PIK3C2G: variants seen among roughly 807,000 people sequenced by gnomAD.
The protein encoded by PIK3C2G is phosphatidylinositol-4-phosphate 3-kinase catalytic subunit type 2 gamma, also known as phosphatidylinositol 3-kinase C2 domain-containing subunit gamma.
PIK3C2G carries 168 observed loss-of-function variants against 181.1 expected under a neutral mutation model. The observed-to-expected ratio is 0.93, with a 90% CI of 0.82 to 1.05. The LOEUF (loss-of-function observed/expected upper bound fraction) is 1.05. PIK3C2G is among the 50% of genes least tolerant of loss of function. PIK3C2G has a pLI of 0.00. For missense variants in PIK3C2G, 1,869 were observed against 1,732.8 expected (o/e 1.08, Z -1.40); for synonymous variants, 573 against 592.2 (o/e 0.97, Z 0.47).
At chr12:18,543,053 T>C (rs1456277909) in intron 25 of PIK3C2G, among the ~76,000 whole-genome samples, 1 of 151,976 alleles carries the variant, frequency 6.6e-6, no homozygotes, top group East Asian at 1.9e-4. Context: ...CCAGCATCTG[T>C]TATTTTCTGA....
intron 29 of PIK3C2G, among the ~76,000 whole-genome samples, chr12:18,591,721 A>G (rs1259736051): frequency 1.3e-5 from 2 of 152,048 alleles, no homozygotes; most frequent in African/African-American, 4.8e-5. Flanking sequence ...CAGAATCACT[A>G]CAGGTTTTAA....
chr12:18,602,759 C>T (rs531719793), intron 30 of PIK3C2G, among the ~76,000 whole-genome samples: 9 of 152,094 alleles, frequency 5.9e-5, no homozygotes, highest in South Asian at 2.1e-4. Context: ...GGTGAATGAA[C>T]CCGGAAGAGA....
At chr12:18,365,647 C>A (rs1286170140) in intron 12 of PIK3C2G, among the ~76,000 whole-genome samples, 3 of 152,154 alleles carry the variant, frequency 2.0e-5, no homozygotes, top group African/African-American at 7.2e-5. Context: ...GATCTTAGCC[C>A]TTAACCCTCT....
chr12:18,538,014 C>A, intron 24 of PIK3C2G, 142 bp from the exon 25 acceptor site: 1 of 674,402 alleles, frequency 1.5e-6, no homozygotes, highest in Non-Finnish European at 2.5e-6. Flanking sequence ...TCTCAAGCTG[C>A]CTCACAATGA....
chr12:18,635,594 C>A (rs973157176), intron 31 of PIK3C2G, among the ~76,000 whole-genome samples: 16 of 152,182 alleles, frequency 1.1e-4, no homozygotes, highest in African/African-American at 3.6e-4. Flanking sequence ...GCCTTTGCTC[C>A]AAAATCCTAA....
chr12:18,357,259 G>A (rs1012132921), intron 11 of PIK3C2G, among the ~76,000 whole-genome samples: 12 of 151,896 alleles, frequency 7.9e-5, no homozygotes, highest in African/African-American at 2.7e-4. Flanking sequence ...TACTTATTAA[G>A]ATTTTTTACA....
rs552872601 is a variant in PIK3C2G at position 18,278,032 on chromosome 12, T to G, written c.-78-3972T>G. Among the ~76,000 whole-genome samples, 4 of 152,314 alleles carry G rather than the reference T, an allele frequency of 2.6e-5. No homozygotes were observed. In the East Asian group the frequency reaches 7.7e-4, roughly 29 times the overall value. ...AGAGAGCTTTTTTGTGTGTGTGGTC[T>G]TCTATACTTATTCTAGTCTCTGATT... On this transcript the variant is annotated intron_variant, in intron 1 of 32. Transcript: ENST00000538779.
chr12:18,473,822 C>T (rs769912019), intron 18 of PIK3C2G, among the ~76,000 whole-genome samples: 45 of 152,122 alleles, frequency 3.0e-4, no homozygotes, highest in Non-Finnish European at 5.9e-4. Context: ...AGGTACAGAA[C>T]TTGAATATCC....
the PIK3C2G span, among the ~76,000 whole-genome samples, chr12:18,702,679 G>A: frequency 6.6e-6 from 1 of 152,112 alleles, no homozygotes; most frequent in African/African-American, 2.4e-5. Flanking sequence ...AAGTGCTTGG[G>A]AAAGGGACAA....
chr12:18,509,029 A>G (rs1370498514), intron 24 of PIK3C2G, among the ~76,000 whole-genome samples: 1 of 151,986 alleles, frequency 6.6e-6, no homozygotes, highest in Non-Finnish European at 1.5e-5. Context: ...CAATATTATT[A>G]TTATTATTAT....
At chr12:18,484,315 T>C (rs531483025) in intron 18 of PIK3C2G, among the ~76,000 whole-genome samples, 19 of 152,300 alleles carry the variant, frequency 1.2e-4, no homozygotes, top group Admixed American at 2.6e-4. Context: ...GAGATTACTT[T>C]GGAAATTATC....
intron 11 of PIK3C2G, among the ~76,000 whole-genome samples, chr12:18,350,445 A>T (rs1222769379): frequency 1.3e-5 from 2 of 152,202 alleles, no homozygotes; most frequent in Non-Finnish European, 2.9e-5. Context: ...ATGATTTGAC[A>T]GTACTTTCAA....
intron 12 of PIK3C2G, among the ~76,000 whole-genome samples, chr12:18,364,033 A>G (rs995916516): frequency 6.6e-6 from 1 of 152,184 alleles, no homozygotes; most frequent in South Asian, 2.1e-4. Context: ...TAGCTCTCCA[A>G]TTCTTATAAG....
intron 32 of PIK3C2G, among the ~76,000 whole-genome samples, chr12:18,644,560 A>T (rs961210773): frequency 2.0e-5 from 3 of 152,330 alleles, no homozygotes; most frequent in Middle Eastern, 3.4e-3. Context: ...CCTGCAGAAT[A>T]TACAGTGATT....
intron 29 of PIK3C2G, among the ~76,000 whole-genome samples, chr12:18,588,933 C>T (rs1337180062): frequency 6.6e-6 from 1 of 152,028 alleles, no homozygotes; most frequent in Non-Finnish European, 1.5e-5. Context: ...AAGATCATGT[C>T]CTCTTCAGGA....
At chr12:18,290,187 C>G (rs899033141) in intron 3 of PIK3C2G, among the ~76,000 whole-genome samples, 2 of 152,104 alleles carry the variant, frequency 1.3e-5, no homozygotes, top group African/African-American at 4.8e-5. Flanking sequence ...AAATAACTTG[C>G]CTCTGGCCAT....
At chr12:18,584,774 T>C (rs1235288307) in intron 29 of PIK3C2G, among the ~76,000 whole-genome samples, 1 of 150,806 alleles carries the variant, frequency 6.6e-6, no homozygotes, top group Admixed American at 6.6e-5. Flanking sequence ...AAAGAAAAAA[T>C]ATTAAAAGGA....
At chr12:18,254,450 CTG>C (rs1205773825) in intron 1 of PIK3C2G, among the ~76,000 whole-genome samples, 5 of 151,846 alleles carry the variant, frequency 3.3e-5, no homozygotes, top group African/African-American at 1.2e-4. Flanking sequence ...TTCATATTCT[CTG>C]GGGAAAGTTA....
Position 18,291,542 on chromosome 12 carries a change from G to A in PIK3C2G, c.919+530G>A, listed in dbSNP as rs565644686. ...CAGGAATTTATATTTTATCAAATTCGCCTGAGGATTTTTACTTTTCTAAAG... is the reference window on the plus strand; with the variant it reads ...CAGGAATTTATATTTTATCAAATTCACCTGAGGATTTTTACTTTTCTAAAG... On this transcript the variant is annotated intron_variant, in intron 4 of 32. Transcript: ENST00000538779. 4.6e-5 allele frequency among the ~76,000 whole-genome samples: 7 copies of A among 152,084 alleles called. No homozygotes were observed. The East Asian group carries it at 1.2e-3, about 25-fold the overall frequency.
Sources: allele counts gnomAD v4.1 joint callset (sites outside exome capture counted in the v4.1 genomes callset), GRCh38; gene constraint gnomAD v4.1.1; transcripts MANE v1.5; gene names NCBI Gene and HGNC (gene_info 2026-07-23, HGNC 2026-07-21).